ZC3H13: variants seen among roughly 807,000 people sequenced by gnomAD.
The protein encoded by ZC3H13 is zinc finger CCCH-type containing 13.
ZC3H13 carries 64 observed loss-of-function variants against 204.1 expected under a neutral mutation model. That is an observed-to-expected ratio of 0.31 (90% CI 0.26 to 0.39). The LOEUF is 0.39. Ranked by LOEUF, ZC3H13 falls within the 10% of genes least tolerant of loss-of-function variation. The pLI, the probability that ZC3H13 is intolerant of heterozygous loss-of-function variation, is 1.00. For missense variants in ZC3H13, 1,833 were observed against 2,082.7 expected (o/e 0.88, Z 2.33); for synonymous variants, 667 against 693.7 (o/e 0.96, Z 0.60).
rs781040273 is a variant in ZC3H13, at chr13:45,967,755, C to G, written c.4070G>C (p.Arg1357Thr). The G allele has an allele frequency of 6.2e-7, 1 of 1,612,458 alleles. No homozygotes were observed. Among genetic ancestry groups the G allele is most frequent in the Non-Finnish European group, 8.5e-7 (1 of 1,179,210 alleles). Residue 1357 changes from arginine (R) to threonine (T), a missense_variant, in exon 15 of 19, where the codon AGG becomes ACG. Transcript: ENST00000679008. ...ATCAGAAATTAGTCTCTCTCTTTCC[C>G]TATCCAAGTCTCTCCTTTTGTCTCG... ...RERDKRRDLD[R>T]ERERLISDSV...
Position 46,052,468 on chromosome 13 carries a change from G to T in ZC3H13, c.-74C>A. 2 of 398,292 alleles carry T rather than the reference G, an allele frequency of 5.0e-6. No individual in the cohort carries two copies. The highest frequency in any genetic ancestry group is 7.1e-5 in the East Asian group (2 of 28,026). The allele number at this position is 398,292 out of a possible 1,614,324, so 24.7% of individuals were successfully genotyped here. On this transcript the variant is annotated 5_prime_UTR_variant, in exon 1 of 19. Transcript: ENST00000679008. ...ACCACCGCCGCCGCCGCTCCGAGGA[G>T]CGGGGGAGGCGACTCTGTCCCCGCG...
Position 45,955,764 on chromosome 13 carries a change from C to T in ZC3H13, c.*1363G>A, listed in dbSNP as rs1233157670. The T allele has an allele frequency of 6.6e-6, 1 of 152,076 alleles. No homozygotes were observed. The highest frequency in any genetic ancestry group is 2.4e-5 in the African/African-American group (1 of 41,420). 9.4% of individuals were successfully genotyped at this position (152,076 alleles called of 1,614,324 possible). ...TTCTCCTGCTCTGTTTGCAATTATA[C>T]ATGCTTTCAAAGTCATTTGAAAGTA... On this transcript the variant is annotated 3_prime_UTR_variant, in exon 19 of 19. Transcript: ENST00000679008.
Position 45,969,091 on chromosome 13 carries a change from A to T in ZC3H13, c.3453T>A (p.Phe1151Leu). The T allele has an allele frequency of 1.2e-6, 2 of 1,614,104 alleles. No homozygotes were observed. The highest frequency in any genetic ancestry group is 1.7e-6 in the Non-Finnish European group (2 of 1,180,020). The change falls in exon 14 of 19, where the codon TTT (phenylalanine) becomes TTA (leucine). Residue 1151 changes from phenylalanine to leucine, a missense_variant. Around this residue, in one of 5 missense-constraint regions of ZC3H13, gnomAD observed 1,574 missense variants for 1,757.2 expected, o/e 0.90. Transcript: ENST00000679008. ...ATTTTCTGTGTGAGTCTTCATTGGCAAAAGTATTATTGGTGGTATTGGTGG... is the reference window on the plus strand; with the variant it reads ...ATTTTCTGTGTGAGTCTTCATTGGCTAAAGTATTATTGGTGGTATTGGTGG... ...ATPTNTTNNT[F>L]ANEDSHRKCH...
intron 5 of ZC3H13, among the ~76,000 whole-genome samples, chr13:46,016,044 A>G (rs1308051179): frequency 6.6e-6 from 1 of 152,108 alleles, no homozygotes; most frequent in African/African-American, 2.4e-5. Flanking sequence ...TTTCAACTTC[A>G]TTAGGAGAAT....
At chr13:46,047,023 C>G (rs2044016831) in intron 1 of ZC3H13, among the ~76,000 whole-genome samples, 1 of 152,072 alleles carries the variant, frequency 6.6e-6, no homozygotes, top group Admixed American at 6.6e-5. Flanking sequence ...TTCATTTAGT[C>G]TCTATAAAGA....
chr13:45,976,509 T>A (rs2138039488), intron 11 of ZC3H13, among the ~76,000 whole-genome samples: 1 of 152,366 alleles, frequency 6.6e-6, no homozygotes, highest in African/African-American at 2.4e-5. Flanking sequence ...CAATTACTAA[T>A]AAATTAGCTT....
intron 1 of ZC3H13, among the ~76,000 whole-genome samples, chr13:46,048,357 C>T (rs2044133584): frequency 6.6e-6 from 1 of 151,962 alleles, no homozygotes; most frequent in East Asian, 1.9e-4. Flanking sequence ...GCGGGCGGAT[C>T]ACGAAGTCAG....
chr13:46,028,081 AG>A (rs1461168763), intron 4 of ZC3H13, among the ~76,000 whole-genome samples: 2 of 152,204 alleles, frequency 1.3e-5, no homozygotes, highest in African/African-American at 4.8e-5. Context: ...GTTGTCTACA[AG>A]AAACCCACAT....
At chr13:46,023,022 G>A (rs535635512) in intron 4 of ZC3H13, among the ~76,000 whole-genome samples, 1 of 151,926 alleles carries the variant, frequency 6.6e-6, no homozygotes, top group Non-Finnish European at 1.5e-5. Context: ...CATTATATGC[G>A]TGGGCAGATT....
At chr13:45,976,128 C>A in intron 11 of ZC3H13, 1 of 966,984 alleles carries the variant, frequency 1.0e-6, no homozygotes, top group South Asian at 4.8e-5. Context: ...ATGCTCCCTA[C>A]CCTACCTCCA....
intron 5 of ZC3H13, among the ~76,000 whole-genome samples, chr13:46,014,691 T>C (rs1309862972): frequency 2.0e-5 from 3 of 152,212 alleles, no homozygotes; most frequent in Non-Finnish European, 4.4e-5. Flanking sequence ...GCTAAAGTCT[T>C]AAATAATTCT....
chr13:46,005,266 T>C (rs747325805), intron 7 of ZC3H13, among the ~76,000 whole-genome samples: 3 of 152,218 alleles, frequency 2.0e-5, no homozygotes, highest in Non-Finnish European at 4.4e-5. Context: ...CAATTTCTTC[T>C]ATTTTCATTT....
chr13:46,041,280 CTT>C (rs1322829601), intron 4 of ZC3H13, among the ~76,000 whole-genome samples: 1 of 152,072 alleles, frequency 6.6e-6, no homozygotes, highest in Non-Finnish European at 1.5e-5. Flanking sequence ...ATCCCATACT[CTT>C]TCACGAACCT....
In ZC3H13 at chr13:45,969,864, G is replaced by A. The variant is rs760598611; in HGVS notation, c.2680C>T (p.Arg894Cys). 12 of 1,613,602 alleles carry A rather than the reference G, an allele frequency of 7.4e-6. No homozygotes were observed. Among genetic ancestry groups the A allele is most frequent in the Middle Eastern group, 1.6e-4 (1 of 6,084 alleles). Residue 894 changes from arginine to cysteine, a missense_variant, in exon 14 of 19, where the codon CGT (arginine) becomes TGT (cysteine). Transcript: ENST00000679008. ...DRQGRWKEEDRKPERKESSRR... is the reference protein window; with the variant it reads ...DRQGRWKEEDCKPERKESSRR... ...GAACTCTCTTTCCTTTCTGGTTTACGATCCTCCTCTTTCCATCTACCCTGT... is the reference window on the plus strand; with the variant it reads ...GAACTCTCTTTCCTTTCTGGTTTACAATCCTCCTCTTTCCATCTACCCTGT...
chr13:45,991,107 C>T (rs1002497194), intron 8 of ZC3H13, among the ~76,000 whole-genome samples: 5 of 152,212 alleles, frequency 3.3e-5, no homozygotes, highest in East Asian at 1.9e-4. Context: ...TGATGGTTCT[C>T]GTCAATTTAA....
chr13:46,017,273 G>C (rs545187863), intron 5 of ZC3H13, among the ~76,000 whole-genome samples: 1 of 152,244 alleles, frequency 6.6e-6, no homozygotes, highest in African/African-American at 2.4e-5. Context: ...AGGTCCCTGA[G>C]ACAATTTCAG....
chr13:46,010,702 C>T (rs928973440), intron 6 of ZC3H13, among the ~76,000 whole-genome samples, 197 bp from the exon 7 acceptor site: 1 of 151,468 alleles, frequency 6.6e-6, no homozygotes, highest in African/African-American at 2.4e-5. Context: ...TTGAGATCAG[C>T]CTGGATAACA....
intron 4 of ZC3H13, among the ~76,000 whole-genome samples, chr13:46,027,864 AC>A (rs1364841154): frequency 3.9e-5 from 6 of 152,214 alleles, no homozygotes; most frequent in African/African-American, 1.4e-4. Context: ...CTCAATTAAA[AC>A]CACAAATTTT....
chr13:46,009,826 T>C (rs1267392419), intron 7 of ZC3H13, among the ~76,000 whole-genome samples: 2 of 152,100 alleles, frequency 1.3e-5, no homozygotes, highest in African/African-American at 4.8e-5. Flanking sequence ...TTTTTGTGTA[T>C]AATTTGTAGC....
Sources: gnomAD v4.1 joint callset for allele counts (sites outside exome capture counted in the v4.1 genomes callset) on GRCh38, gnomAD v4.1.1 for gene constraint, gnomAD v4.1.1 regional missense constraint, MANE v1.5 for transcripts, NCBI Gene and HGNC (gene_info 2026-07-23, HGNC 2026-07-21) for gene names.